The following GJB7 variants were observed in gnomAD, a reference collection of about 807,000 sequenced individuals.
GJB7 encodes the protein gap junction protein beta 7.
For synonymous variants in GJB7, 87 were observed against 95.2 expected (o/e 0.91, Z 0.50); for missense variants, 253 against 256.8 (o/e 0.99, Z 0.10).
intron 2 of GJB7, among the ~76,000 whole-genome samples, chr6:87,292,999 A>G (rs1776200635): frequency 6.6e-6 from 1 of 152,202 alleles, no homozygotes; most frequent in Non-Finnish European, 1.5e-5. Context: ...CAATCCAAAA[A>G]TCCAAAGAAG....
chr6:87,301,969 C>T (rs1776335529), intron 2 of GJB7, among the ~76,000 whole-genome samples: 1 of 152,216 alleles, frequency 6.6e-6, no homozygotes. Context: ...CCTGAGGGTC[C>T]TAACTGTCAG....
rs542362030 is a variant in GJB7 at position 87,323,935 on chromosome 6, G to T, written c.-205-892C>A. Among the ~76,000 whole-genome samples, 3 of 151,974 alleles carry T rather than the reference G, an allele frequency of 2.0e-5. No individual in the cohort carries two copies. In the East Asian group the frequency reaches 5.8e-4, roughly 29 times the overall value. ...TTTCTCCACAGCCTCTCCAGCACCT[G>T]TTGTTTCCTGACTTTTTAATGATTG... On this transcript the variant is annotated intron_variant, in intron 1 of 2. Transcript: ENST00000525899.
intron 2 of GJB7, among the ~76,000 whole-genome samples, chr6:87,285,303 A>C (rs1216320801): frequency 6.6e-6 from 1 of 152,226 alleles, no homozygotes; most frequent in Non-Finnish European, 1.5e-5. Context: ...ATGAATATCA[A>C]GGTGATCCTG....
At chr6:87,308,638 A>G (rs1776469894) in intron 2 of GJB7, among the ~76,000 whole-genome samples, 1 of 152,150 alleles carries the variant, frequency 6.6e-6, no homozygotes, top group Non-Finnish European at 1.5e-5. Context: ...GGGAGAAATA[A>G]TTTTGATTAT....
chr6:87,322,629 A>T (rs1430172306), intron 2 of GJB7: 3 of 152,232 alleles, frequency 2.0e-5, no homozygotes, highest in African/African-American at 7.2e-5. Context: ...TGACCCCGCG[A>T]AAGGTAAGCG....
In GJB7 at chr6:87,284,601, C is replaced by A. The variant is rs774244127; in HGVS notation, c.312G>T (p.Arg104Ser). The A allele has an allele frequency of 1.2e-6, 2 of 1,614,124 alleles. No homozygotes were observed. ...GGCTGACATAGAGTTTCTTTCTGTGCCTTTTCTCTCTACCCTCATGATAGG... is the reference window on the plus strand; with the variant it reads ...GGCTGACATAGAGTTTCTTTCTGTGACTTTTCTCTCTACCCTCATGATAGG... ...HVAYHEGREK[R>S]HRKKLYVSPG... Residue 104 changes from arginine (R) to serine (S), a missense_variant, in exon 3 of 3, where the codon AGG (arginine) becomes AGT (serine). By Grantham distance (110) the Arg-to-Ser change is moderately radical (BLOSUM62 -1). Transcript: ENST00000525899.
At chr6:87,303,226 A>T (rs1179908254) in intron 2 of GJB7, among the ~76,000 whole-genome samples, 1 of 152,212 alleles carries the variant, frequency 6.6e-6, no homozygotes, top group East Asian at 1.9e-4. Context: ...AAAGACACAG[A>T]CTGGCAAATT....
chr6:87,315,795 C>CAA (rs1161194601), intron 2 of GJB7, among the ~76,000 whole-genome samples: 1,479 of 72,230 alleles, frequency 0.02, 16 homozygotes, highest in Middle Eastern at 0.06. Context: ...GACTCTATCT[C>CAA]AAAAAAAAAA....
At chr6:87,298,869 A>G in intron 2 of GJB7, 1 of 384,060 alleles carries the variant, frequency 2.6e-6, no homozygotes, top group Non-Finnish European at 5.2e-6. Context: ...AATTTGGTGC[A>G]GATTCCCAAG....
At chr6:87,312,312 G>A (rs867340914) in intron 2 of GJB7, among the ~76,000 whole-genome samples, 13 of 151,786 alleles carry the variant, frequency 8.6e-5, no homozygotes, top group African/African-American at 3.1e-4. Flanking sequence ...AAGAGTTCAA[G>A]ACCAGCCTGG....
At chr6:87,300,107 T>C in intron 2 of GJB7, 1 of 306,674 alleles carries the variant, frequency 3.3e-6, no homozygotes, top group Non-Finnish European at 6.4e-6. Flanking sequence ...ACTTGAGCCT[T>C]GGATTCATTA....
rs561235979 is a variant in GJB7 at position 87,304,580 on chromosome 6, A to G, written c.-28+18286T>C. On this transcript the variant is annotated intron_variant, in intron 2 of 2. Transcript: ENST00000525899. Reference sequence around the variant, plus strand: ...TCCAGGACCAGATGTATTCACAGCCAAATTCTACCAGAGGTACAAGGAGGA... The same window carrying G: ...TCCAGGACCAGATGTATTCACAGCCGAATTCTACCAGAGGTACAAGGAGGA... Among the ~76,000 whole-genome samples, 9 of 152,308 alleles carry G rather than the reference A, an allele frequency of 5.9e-5. No individual in the cohort carries two copies. The East Asian group carries it at 1.7e-3, about 29-fold the overall frequency.
At chr6:87,303,266 T>A (rs562166941) in intron 2 of GJB7, among the ~76,000 whole-genome samples, 1 of 152,292 alleles carries the variant, frequency 6.6e-6, no homozygotes, top group African/African-American at 2.4e-5. Flanking sequence ...ATCAGTGTGC[T>A]GTATTCAGGA....
At chr6:87,292,539 G>A (rs1776191776) in intron 2 of GJB7, among the ~76,000 whole-genome samples, 2 of 152,188 alleles carry the variant, frequency 1.3e-5, no homozygotes, top group South Asian at 4.1e-4. Context: ...AGAAATCATT[G>A]ATAACAGACA....
chr6:87,324,196 T>G (rs1582083912), intron 1 of GJB7, among the ~76,000 whole-genome samples: 1 of 152,328 alleles, frequency 6.6e-6, no homozygotes, highest in East Asian at 1.9e-4. Context: ...ATGAATAGGT[T>G]GTGAAAATTT....
intron 2 of GJB7, among the ~76,000 whole-genome samples, chr6:87,312,179 A>G (rs1562215124): frequency 6.6e-6 from 1 of 152,052 alleles, no homozygotes; most frequent in African/African-American, 2.4e-5. Flanking sequence ...TTTTCTATTC[A>G]TATGTTATAC....
At chr6:87,325,997 G>T (rs899400337) in intron 1 of GJB7, among the ~76,000 whole-genome samples, 3 of 152,230 alleles carry the variant, frequency 2.0e-5, no homozygotes, top group Non-Finnish European at 2.9e-5. Context: ...AGTCTTGGGA[G>T]AGTGTATGTG....
intron 2 of GJB7, among the ~76,000 whole-genome samples, chr6:87,302,205 A>C (rs1213109272): frequency 6.6e-6 from 1 of 152,252 alleles, no homozygotes; most frequent in Non-Finnish European, 1.5e-5. Flanking sequence ...TGAGAGAAGA[A>C]GGCTTCAGAC....
intron 2 of GJB7, among the ~76,000 whole-genome samples, chr6:87,295,752 G>A (rs1776241109): frequency 6.6e-6 from 1 of 152,062 alleles, no homozygotes; most frequent in Non-Finnish European, 1.5e-5. Context: ...CCACCGCTCT[G>A]GTCCCAGCCA....
Sources: allele counts gnomAD v4.1 joint callset (sites outside exome capture counted in the v4.1 genomes callset), GRCh38; gene constraint gnomAD v4.1.1; transcripts MANE v1.5; gene names NCBI Gene and HGNC (gene_info 2026-07-23, HGNC 2026-07-21).